NISCH: variants seen among roughly 807,000 people sequenced by gnomAD.
The protein encoded by NISCH is nischarin.
Under a neutral mutation model 138.4 loss-of-function variants are expected in NISCH, and 55 were observed. That is an observed-to-expected ratio of 0.40 (90% CI 0.32 to 0.50). The LOEUF is 0.50. Among genes scored for constraint, NISCH ranks in the 20% least tolerant of loss-of-function variants. The pLI is 0.71. For synonymous variants in NISCH, 860 were observed against 861.5 expected (o/e 1.00, Z 0.03); for missense variants, 1,643 against 2,005.5 (o/e 0.82, Z 3.45).
chr3:52,460,594 G>A (rs1706606340), intron 3 of NISCH, among the ~76,000 whole-genome samples: 1 of 151,950 alleles, frequency 6.6e-6, no homozygotes, highest in South Asian at 2.1e-4. Flanking sequence ...TGTAGAGATG[G>A]GGTCTTGCAG....
At chr3:52,456,387 T>G (rs1706470617) in intron 1 of NISCH, among the ~76,000 whole-genome samples, 1 of 152,008 alleles carries the variant, frequency 6.6e-6, no homozygotes. Flanking sequence ...CTTCGTGACT[T>G]TGGGCTGTGG....
chr3:52,456,736 A>T (rs968191577), intron 1 of NISCH, among the ~76,000 whole-genome samples: 3 of 152,114 alleles, frequency 2.0e-5, no homozygotes, highest in Admixed American at 1.3e-4. Flanking sequence ...GGAAGAGGAG[A>T]GGGGTGGATC....
intron 3 of NISCH, 52 bp downstream of exon 3, chr3:52,458,896 A>C (rs767237870): frequency 1.3e-6 from 2 of 1,514,386 alleles, no homozygotes; most frequent in East Asian, 4.5e-5. Flanking sequence ...CAACTGCCAA[A>C]CTTGAGGCAG....
chr3:52,469,178 G>C (rs753104181), intron 3 of NISCH, among the ~76,000 whole-genome samples: 47 of 152,030 alleles, frequency 3.1e-4, no homozygotes, highest in Non-Finnish European at 5.6e-4. Flanking sequence ...GTTCCTGTGA[G>C]TTATGAGGAT....
chr3:52,457,163 G>T (rs750777066), intron 1 of NISCH, among the ~76,000 whole-genome samples: 1 of 152,234 alleles, frequency 6.6e-6, no homozygotes, highest in African/African-American at 2.4e-5. Context: ...TAGGCTCCAA[G>T]TTACTTATAT....
intron 19 of NISCH, 103 bp downstream of exon 19, chr3:52,490,936 T>C: frequency 6.7e-7 from 1 of 1,492,288 alleles, no homozygotes; most frequent in Non-Finnish European, 9.1e-7. Context: ...CAGTTATCTC[T>C]GTGCTCAAGA....
At chr3:52,480,525 A>C in intron 13 of NISCH, 1 of 1,503,456 alleles carries the variant, frequency 6.7e-7, no homozygotes, top group South Asian at 1.3e-5. Flanking sequence ...TCTGATGCCC[A>C]CATCCAGCTC....
chr3:52,480,282 CCT>C lies in NISCH; in HGVS notation c.1520_1521del (p.Ser507Ter). Reference sequence around the variant, plus strand: ...CATCTGCCTCCCTGCCCCAGCCCATCCTCTCTAACCAAGGTAATCGTGTATGT... The same window carrying C: ...CATCTGCCTCCCTGCCCCAGCCCATCCTCTAACCAAGGTAATCGTGTATGT... ...PASASLPQPI[L>X]SNQGIMFVQE... is the part of the protein sequence containing the mutation. On this transcript the variant is annotated frameshift_variant, in exon 13 of 21. Transcript: ENST00000345716. LOFTEE classifies it high-confidence loss of function. 1 of 1,613,876 alleles carries C rather than the reference CCT, an allele frequency of 6.2e-7. No individual in the cohort carries two copies. Among genetic ancestry groups the C allele is most frequent in the Non-Finnish European group, 8.5e-7 (1 of 1,180,008 alleles).
chr3:52,468,007 C>A (rs1258886139), intron 3 of NISCH, among the ~76,000 whole-genome samples: 1 of 152,232 alleles, frequency 6.6e-6, no homozygotes, highest in Non-Finnish European at 1.5e-5. Flanking sequence ...CGCCTGTAAT[C>A]CCAGCACTTT....
chr3:52,490,067 G>T lies in NISCH; in HGVS notation c.3457-8G>T, dbSNP rs375618563. The T allele has an allele frequency of 6.2e-7, 1 of 1,613,346 alleles. No individual in the cohort carries two copies. The highest frequency in any genetic ancestry group is 1.3e-5 in the African/African-American group (1 of 75,016). ...TGGTGGAGCTGACAGGAGGCCCCCC[G>T]TCTTCAGGTTGAAAACGAGGAGCTG... On this transcript the variant is annotated splice_polypyrimidine_tract_variant and splice_region_variant and intron_variant, in intron 17 of 20. Coordinates refer to ENST00000345716, the MANE Select transcript of NISCH (RefSeq NM_007184.4).
At chr3:52,491,664 C>A in intron 20 of NISCH, 151 bp downstream of exon 20, 1 of 1,066,300 alleles carries the variant, frequency 9.4e-7, no homozygotes, top group Non-Finnish European at 1.3e-6. Flanking sequence ...TTTTCGATGG[C>A]AGAGTCTCCA....
At chr3:52,470,088 TAAAA>T (rs79193522) in intron 3 of NISCH, among the ~76,000 whole-genome samples, 1 of 129,824 alleles carries the variant, frequency 7.7e-6, no homozygotes, top group Non-Finnish European at 1.7e-5. Flanking sequence ...TGTCTCTATT[TAAAA>T]AAAAAAAAAA....
Position 52,487,441 on chromosome 3 carries a change from C to T in NISCH, c.1949C>T (p.Ala650Val), listed in dbSNP as rs957978251. 2 of 1,606,826 alleles carry T rather than the reference C, an allele frequency of 1.2e-6. No individual in the cohort carries two copies. The highest frequency in any genetic ancestry group is 1.7e-5 in the Admixed American group (1 of 59,810). Residue 650 changes from alanine (A) to valine (V), a missense_variant, in exon 16 of 21, where the codon GCT becomes GTT. By Grantham distance (64) the Ala-to-Val change is moderately conservative. Coordinates refer to ENST00000345716, the MANE Select transcript of NISCH (RefSeq NM_007184.4). This position sits in a 1 kb window ranked among gnomAD's most constrained non-coding sequence, Gnocchi z 9.1. ...GAGGAGGAAGAAGAGGAGGACGTGG[C>T]TGAGAACCGCTACTTTGAAATGGGG... is the stretch of plus-strand genomic sequence containing the variant. ...DEEEEEEEDV[A>V]ENRYFEMGPP...
At chr3:52,463,648 G>A (rs1463796930) in intron 3 of NISCH, among the ~76,000 whole-genome samples, 2 of 151,208 alleles carry the variant, frequency 1.3e-5, no homozygotes, top group Non-Finnish European at 2.9e-5. Context: ...TGTTCTGGTG[G>A]GTGTGAAGTG....
At chr3:52,485,390 C>T (rs1707377295) in intron 14 of NISCH, among the ~76,000 whole-genome samples, 1 of 152,196 alleles carries the variant, frequency 6.6e-6, no homozygotes, top group Non-Finnish European at 1.5e-5. Context: ...TGCACAGAGA[C>T]CATTGGGAGG....
intron 7 of NISCH, among the ~76,000 whole-genome samples, chr3:52,474,541 C>A (rs912415463): frequency 2.6e-5 from 4 of 152,156 alleles, no homozygotes; most frequent in African/African-American, 9.7e-5. Flanking sequence ...CGTGATCCAC[C>A]CGCCTCGGCC....
chr3:52,462,241 A>T (rs1474801499), intron 3 of NISCH, among the ~76,000 whole-genome samples: 1 of 152,270 alleles, frequency 6.6e-6, no homozygotes, highest in Non-Finnish European at 1.5e-5. Context: ...ACAGTTGATC[A>T]GCCATAGCAC....
chr3:52,465,604 G>A (rs990840221), intron 3 of NISCH, among the ~76,000 whole-genome samples: 2 of 152,190 alleles, frequency 1.3e-5, no homozygotes, highest in South Asian at 2.1e-4. Context: ...CGTGGTGACA[G>A]GCCTCATCCC....
intron 3 of NISCH, among the ~76,000 whole-genome samples, chr3:52,467,201 A>G (rs1289589675): frequency 1.3e-5 from 2 of 152,088 alleles, no homozygotes; most frequent in East Asian, 3.9e-4. Context: ...GGGTTTCACC[A>G]TGTTGGCCAG....
Sources: gnomAD v4.1 joint callset for allele counts (sites outside exome capture counted in the v4.1 genomes callset) on GRCh38, gnomAD v4.1.1 for gene constraint, Gnocchi (gnomAD v3.1) non-coding constraint, MANE v1.5 for transcripts, NCBI Gene and HGNC (gene_info 2026-07-23, HGNC 2026-07-21) for gene names.